Variants in SERPIND1 observed in about 807,000 individuals in gnomAD.
SERPIND1 encodes the protein serpin family D member 1.
In SERPIND1, 34 loss-of-function variants were observed where a neutral mutation model predicts 35.0. The ratio of observed to expected loss-of-function variants is 0.97; its 90% CI spans 0.74 to 1.29. SERPIND1 has a LOEUF of 1.29. Among genes scored for constraint, SERPIND1 ranks in the 50% most tolerant of loss-of-function variants. The probability of loss-of-function intolerance (pLI) is 0.00; values close to 1 mark genes in which losing one functional copy is unlikely to be tolerated. For missense variants in SERPIND1, 633 were observed against 637.7 expected (o/e 0.99, Z 0.08); for synonymous variants, 236 against 241.1 (o/e 0.98, Z 0.19).
At chr22:20,776,732 G>T (rs1004246134) in intron 1 of SERPIND1, among the ~76,000 whole-genome samples, 2 of 152,092 alleles carry the variant, frequency 1.3e-5, no homozygotes, top group African/African-American at 4.8e-5. Context: ...TGACAGTGAC[G>T]AAAGGCTCAG....
chr22:20,786,133 GATC>G lies in SERPIND1; in HGVS notation c.1294_1296del (p.Ile432del). Reference sequence around the variant, plus strand: ...ACATGGCAGGCATCTCAGACCAAAGGATCGCCATCGACCTGGTAACCACTCCCT... The same window carrying G: ...ACATGGCAGGCATCTCAGACCAAAGGGCCATCGACCTGGTAACCACTCCCT... On this transcript the variant is annotated inframe_deletion, in exon 4 of 5. Transcript: ENST00000215727. The G allele has an allele frequency of 6.2e-7, 1 of 1,614,068 alleles. No homozygotes were observed. The highest frequency in any genetic ancestry group is 8.5e-7 in the Non-Finnish European group (1 of 1,180,006).
Position 20,786,925 on chromosome 22 carries a change from CACT to C in SERPIND1, c.1360_1362del (p.Thr454del). 6.2e-7 allele frequency: 1 copy of C among 1,614,160 alleles called. No individual in the cohort carries two copies. The highest frequency in any genetic ancestry group is 8.5e-7 in the Non-Finnish European group (1 of 1,180,022). On this transcript the variant is annotated inframe_deletion, in exon 5 of 5. Transcript: ENST00000215727. ...TGAACGAGGAAGGCACCCAAGCCAC[CACT>C]GTGACCACGGTGGGGTTCATGCCGC...
At position 20,787,006 on chromosome 22, in the gene SERPIND1, C is replaced by G; in HGVS notation, c.1440C>G (p.Tyr480Ter). 6.2e-7 allele frequency: 1 copy of G among 1,614,148 alleles called. No homozygotes were observed. The change falls in exon 5 of 5, where the codon TAC (tyrosine) becomes TAG (stop). Residue 480 changes from tyrosine (Y) to a stop codon, truncating the protein, a stop_gained. Coordinates refer to ENST00000215727, the MANE Select transcript of SERPIND1 (RefSeq NM_000185.4). LOFTEE classifies it high-confidence loss of function. ...ACCGCCCCTTTCTTTTCCTCATCTACGAGCATCGCACCAGCTGCCTGCTCT... is the reference window on the plus strand; with the variant it reads ...ACCGCCCCTTTCTTTTCCTCATCTAGGAGCATCGCACCAGCTGCCTGCTCT... ...TVDRPFLFLI[Y>*]EHRTSCLLFM...
intron 4 of SERPIND1, 45 bp downstream of exon 4, chr22:20,786,193 C>T (rs1256539515): frequency 1.2e-5 from 20 of 1,608,308 alleles, no homozygotes; most frequent in Non-Finnish European, 1.7e-5. Context: ...CAGGGTCTGC[C>T]TCAGCACAGC....
At chr22:20,775,439 C>G (rs1454948207) in intron 1 of SERPIND1, among the ~76,000 whole-genome samples, 1 of 152,106 alleles carries the variant, frequency 6.6e-6, no homozygotes, top group Non-Finnish European at 1.5e-5. Flanking sequence ...CTATTTTTGG[C>G]TTTTTATCAG....
intron 1 of SERPIND1, among the ~76,000 whole-genome samples, chr22:20,777,827 A>T (rs1933425166): frequency 6.6e-6 from 1 of 152,212 alleles, no homozygotes; most frequent in Non-Finnish European, 1.5e-5. Context: ...TTTGGCAGTC[A>T]AAACAGATTT....
chr22:20,776,772 G>T (rs1933320640), intron 1 of SERPIND1, among the ~76,000 whole-genome samples: 1 of 152,164 alleles, frequency 6.6e-6, no homozygotes, highest in African/African-American at 2.4e-5. Context: ...TTGGGAGGAT[G>T]AAACTAAGTT....
chr22:20,774,867 A>T (rs890043114), intron 1 of SERPIND1, among the ~76,000 whole-genome samples: 3 of 152,188 alleles, frequency 2.0e-5, no homozygotes, highest in African/African-American at 7.2e-5. Context: ...CATGCCTGTG[A>T]GAACACACAC....
In SERPIND1 at chr22:20,779,621, G is replaced by GACAGACTCTGATGTGAGTGCTGGGA. The variant is rs754568810; in HGVS notation, c.313_337dup (p.Ile113ArgfsTer3). ...TCGTCGACAGTCTGTCAGTTTCCCC[G>GACAGACTCTGATGTGAGTGCTGGGA]ACAGACTCTGATGTGAGTGCTGGGA... On this transcript the variant is annotated frameshift_variant, in exon 2 of 5. Transcript: ENST00000215727. LOFTEE classifies it high-confidence loss of function. 29 of 1,614,202 alleles carry GACAGACTCTGATGTGAGTGCTGGGA rather than the reference G, an allele frequency of 1.8e-5. No homozygotes were observed. The highest frequency in any genetic ancestry group is 2.5e-5 in the Non-Finnish European group (29 of 1,180,018).
chr22:20,785,833 A>C (rs966618370), intron 3 of SERPIND1, among the ~76,000 whole-genome samples, 171 bp from the exon 4 acceptor site: 1 of 152,194 alleles, frequency 6.6e-6, no homozygotes, highest in African/African-American at 2.4e-5. Flanking sequence ...CGGAATTACA[A>C]AGGAGTGTGC....
At position 20,787,146 on chromosome 22, in the gene SERPIND1, CTGGCA is replaced by C; in HGVS notation, c.*82_*86del. The C allele has an allele frequency of 7.7e-7, 1 of 1,304,594 alleles. No individual in the cohort carries two copies. Among genetic ancestry groups the C allele is most frequent in the Non-Finnish European group, 1.1e-6 (1 of 903,648 alleles). 80.8% of individuals were successfully genotyped at this position (1,304,594 alleles called of 1,614,324 possible). ...TTCCAACAACGAGAACAGAGATGTT[CTGGCA>C]TCATTTACGTAGTTTACGCTACCAA... On this transcript the variant is annotated 3_prime_UTR_variant, in exon 5 of 5. Transcript: ENST00000215727.
At chr22:20,777,209 TTTTTC>T (rs1466136017) in intron 1 of SERPIND1, among the ~76,000 whole-genome samples, 1 of 151,636 alleles carries the variant, frequency 6.6e-6, no homozygotes, top group African/African-American at 2.4e-5. Context: ...AGGCTAATTA[TTTTTC>T]TTTTCTTTTT....
rs77006132 is a variant in SERPIND1, at chr22:20,785,041, G to A, written c.1163+796G>A. The stretch of plus-strand genomic sequence containing the variant: ...CTCCTTCCATTCCTCCCTGCAGCCC[G>A]GCAGCTCTTGAGAAAGGGACTGCAT... On this transcript the variant is annotated intron_variant, in intron 3 of 4. Transcript: ENST00000215727. Among the ~76,000 whole-genome samples, 701 of 151,700 alleles carry A rather than the reference G, an allele frequency of 4.6e-3. 8 individuals carry two copies. Among genetic ancestry groups the A allele is most frequent in the South Asian group, 0.029 (137 of 4,776 alleles).
chr22:20,774,501 G>A (rs372869726), intron 1 of SERPIND1, among the ~76,000 whole-genome samples: 6 of 152,154 alleles, frequency 3.9e-5, no homozygotes, highest in African/African-American at 1.2e-4. Flanking sequence ...AGTGGCTCAC[G>A]CCTGTAATCC....
Position 20,786,873 on chromosome 22 carries a change from A to G in SERPIND1, c.1309-2A>G. 1 of 1,614,152 alleles carries G rather than the reference A, an allele frequency of 6.2e-7. No homozygotes were observed. The highest frequency in any genetic ancestry group is 8.5e-7 in the Non-Finnish European group (1 of 1,180,022). On this transcript the variant is annotated splice_acceptor_variant, in intron 4 of 4. Coordinates refer to ENST00000215727, the MANE Select transcript of SERPIND1 (RefSeq NM_000185.4). LOFTEE classifies it high-confidence loss of function. ...AATCTGACAACTTTCCTTTCCAAAC[A>G]GTTCAAGCACCAAGGCACGATCACA...
At chr22:20,785,075 T>TC in intron 3 of SERPIND1, among the ~76,000 whole-genome samples, 1 of 151,402 alleles carries the variant, frequency 6.6e-6, no homozygotes, top group East Asian at 1.9e-4. Flanking sequence ...ATCTTTTTTT[T>TC]TTTTTTTTTT....
chr22:20,786,153 C>T lies in SERPIND1; in HGVS notation c.1308+5C>T. 2 of 1,613,988 alleles carry T rather than the reference C, an allele frequency of 1.2e-6. No individual in the cohort carries two copies. Among genetic ancestry groups the T allele is most frequent in the Middle Eastern group, 1.7e-4 (1 of 5,984 alleles). The stretch of plus-strand genomic sequence containing the variant: ...CAAAGGATCGCCATCGACCTGGTAA[C>T]CACTCCCTTGTCCACCCCCGACCCG... On this transcript the variant is annotated splice_donor_5th_base_variant and intron_variant, in intron 4 of 4. Transcript: ENST00000215727.
chr22:20,784,803 C>T (rs1304208550), intron 3 of SERPIND1, among the ~76,000 whole-genome samples: 2 of 152,156 alleles, frequency 1.3e-5, no homozygotes, highest in African/African-American at 4.8e-5. Context: ...TGGGTCATGG[C>T]AGAAAGAATG....
At chr22:20,776,045 A>G (rs1933245375) in intron 1 of SERPIND1, among the ~76,000 whole-genome samples, 1 of 152,098 alleles carries the variant, frequency 6.6e-6, no homozygotes. Context: ...CTAGAGGCTG[A>G]GCATGGTAAC....
Sources: gnomAD v4.1 joint callset for allele counts (sites outside exome capture counted in the v4.1 genomes callset) on GRCh38, gnomAD v4.1.1 for gene constraint, MANE v1.5 for transcripts, NCBI Gene and HGNC (gene_info 2026-07-23, HGNC 2026-07-21) for gene names.